Variants in GHR observed in about 807,000 individuals in gnomAD.
GHR encodes GH receptor.
GHR carries 35 observed loss-of-function variants against 67.1 expected under a neutral mutation model. That is an observed-to-expected ratio of 0.52 (90% CI 0.40 to 0.69). GHR has a LOEUF of 0.69. Ranked by LOEUF, GHR falls within the 30% of genes least tolerant of loss-of-function variation. The pLI is 0.00. For missense variants in GHR, 792 were observed against 764.6 expected (o/e 1.04, Z -0.42); for synonymous variants, 272 against 269.1 (o/e 1.01, Z -0.10).
intron 5 of GHR, among the ~76,000 whole-genome samples, chr5:42,698,755 G>A (rs1250650499): frequency 1.3e-5 from 2 of 152,078 alleles, no homozygotes; most frequent in Non-Finnish European, 2.9e-5. Context: ...ACTCTAGGTG[G>A]CCTTCTGTAT....
chr5:42,430,387 T>C (rs1743041174), intron 1 of GHR, among the ~76,000 whole-genome samples: 1 of 152,044 alleles, frequency 6.6e-6, no homozygotes, highest in Non-Finnish European at 1.5e-5. Context: ...AACATATATG[T>C]TGGATGATGA....
chr5:42,500,145 C>T (rs769277329), intron 1 of GHR, among the ~76,000 whole-genome samples: 1 of 152,338 alleles, frequency 6.6e-6, no homozygotes, highest in East Asian at 1.9e-4. Context: ...CCTGTAGCTA[C>T]GCCAGTCGAG....
intron 1 of GHR, among the ~76,000 whole-genome samples, chr5:42,463,979 C>T (rs1186075889): frequency 4.8e-5 from 5 of 105,240 alleles, no homozygotes; most frequent in Admixed American, 4.5e-4. Context: ...GGCGACAGAG[C>T]GAGACTCCGT....
At chr5:42,651,228 C>A (rs1366867382) in intron 3 of GHR, among the ~76,000 whole-genome samples, 1 of 152,192 alleles carries the variant, frequency 6.6e-6, no homozygotes. Flanking sequence ...GGCTCTACTT[C>A]TTTTTAATTG....
chr5:42,551,125 A>G (rs1400115860), intron 1 of GHR, among the ~76,000 whole-genome samples: 2 of 152,196 alleles, frequency 1.3e-5, no homozygotes, highest in African/African-American at 2.4e-5. Flanking sequence ...AATACAGCCC[A>G]TGCTTTGGTG....
chr5:42,482,337 C>T (rs1745681722), intron 1 of GHR, among the ~76,000 whole-genome samples: 1 of 152,202 alleles, frequency 6.6e-6, no homozygotes. Context: ...CAGGGACCCA[C>T]TTGAGGAGGC....
At chr5:42,713,765 C>G in intron 8 of GHR, 1 of 433,762 alleles carries the variant, frequency 2.3e-6, no homozygotes, top group Non-Finnish European at 4.3e-6. Context: ...GAGGCTTAGG[C>G]TGGTGACTAT....
intron 6 of GHR, among the ~76,000 whole-genome samples, chr5:42,706,724 G>T (rs1049709468): frequency 1.8e-4 from 28 of 151,974 alleles, no homozygotes; most frequent in African/African-American, 6.3e-4. Flanking sequence ...GGGGTTCTCT[G>T]TTCTGTTCCA....
At chr5:42,667,714 G>A (rs1488048926) in intron 3 of GHR, among the ~76,000 whole-genome samples, 1 of 152,160 alleles carries the variant, frequency 6.6e-6, no homozygotes, top group African/African-American at 2.4e-5. Context: ...CAGATAGCTT[G>A]GGATTTGTTA....
At chr5:42,462,977 G>C (rs1400582946) in intron 1 of GHR, among the ~76,000 whole-genome samples, 1 of 152,004 alleles carries the variant, frequency 6.6e-6, no homozygotes, top group Non-Finnish European at 1.5e-5. Flanking sequence ...GTTAGTTTCA[G>C]TATTACATTG....
chr5:42,608,561 G>T (rs148877452), intron 2 of GHR, among the ~76,000 whole-genome samples: 1 of 151,796 alleles, frequency 6.6e-6, no homozygotes, highest in Non-Finnish European at 1.5e-5. Flanking sequence ...CATACACACT[G>T]GTCAAAATGT....
At chr5:42,568,580 G>A (rs1750085581) in intron 2 of GHR, among the ~76,000 whole-genome samples, 1 of 152,140 alleles carries the variant, frequency 6.6e-6, no homozygotes, top group Non-Finnish European at 1.5e-5. Context: ...TCCAAGGAGT[G>A]CCTGTTATAA....
intron 8 of GHR, among the ~76,000 whole-genome samples, chr5:42,715,272 G>A (rs1288726778): frequency 1.3e-5 from 2 of 152,146 alleles, no homozygotes; most frequent in African/African-American, 2.4e-5. Flanking sequence ...TACTGAAAGT[G>A]GGAAATAGTA....
rs1758741075 is a variant in GHR, at chr5:42,716,720, AT to A, written c.876-1329del. Among the ~76,000 whole-genome samples the A allele has an allele frequency of 3.9e-5, 6 of 152,318 alleles. 1 individual carries two copies. The highest frequency in any genetic ancestry group is 3.3e-4 in the Admixed American group (5 of 15,290). On this transcript the variant is annotated intron_variant, in intron 8 of 9. Transcript: ENST00000230882. The stretch of plus-strand genomic sequence containing the variant: ...TTCATCAGTAACAATATGCTTTAAC[AT>A]TTGCCCCACTGAGTAGTAGAGGCTA...
intron 1 of GHR, among the ~76,000 whole-genome samples, chr5:42,516,900 C>A (rs1747261877): frequency 6.6e-6 from 1 of 152,168 alleles, no homozygotes; most frequent in African/African-American, 2.4e-5. Flanking sequence ...ACTTTGAAAC[C>A]TGATTGTTTG....
chr5:42,435,117 C>T (rs1025370617), intron 1 of GHR, among the ~76,000 whole-genome samples: 1 of 152,106 alleles, frequency 6.6e-6, no homozygotes, highest in Non-Finnish European at 1.5e-5. Flanking sequence ...AGACTTGAAA[C>T]CTTCACTTAT....
chr5:42,481,700 C>T (rs953796065), intron 1 of GHR, among the ~76,000 whole-genome samples: 1 of 152,204 alleles, frequency 6.6e-6, no homozygotes, highest in African/African-American at 2.4e-5. Flanking sequence ...CTGCATTTGT[C>T]ACGTAATTCT....
chr5:42,708,734 A>C (rs763862260), intron 6 of GHR, among the ~76,000 whole-genome samples: 57 of 152,326 alleles, frequency 3.7e-4, no homozygotes, highest in Middle Eastern at 3.4e-3. Context: ...CGTCTCACTG[A>C]GCCACCACTT....
At chr5:42,652,994 G>A (rs993682260) in intron 3 of GHR, among the ~76,000 whole-genome samples, 1 of 152,050 alleles carries the variant, frequency 6.6e-6, no homozygotes, top group Non-Finnish European at 1.5e-5. Context: ...CCATCTCTGG[G>A]CCAAAGTTTT....
Sources: allele counts gnomAD v4.1 joint callset (sites outside exome capture counted in the v4.1 genomes callset), GRCh38; gene constraint gnomAD v4.1.1; transcripts MANE v1.5; gene names NCBI Gene and HGNC (gene_info 2026-07-23, HGNC 2026-07-21).